Variants in KCNIP4 observed in about 807,000 individuals in gnomAD.
KCNIP4 encodes the protein potassium voltage-gated channel interacting protein 4.
KCNIP4 carries 12 observed loss-of-function variants against 34.0 expected under a neutral mutation model. That is an observed-to-expected ratio of 0.35 (90% CI 0.23 to 0.57). KCNIP4 has a LOEUF of 0.57. Ranked by LOEUF, KCNIP4 falls within the 20% of genes least tolerant of loss-of-function variation. The pLI is 0.83. For synonymous variants in KCNIP4, 124 were observed against 102.2 expected, an observed-to-expected ratio of 1.21 and a Z score of -1.29; for missense variants, 238 against 311.7, an observed-to-expected ratio of 0.76 and a Z score of 1.78.
At chr4:20,864,159 C>T (rs1385995796) in intron 2 of KCNIP4, among the ~76,000 whole-genome samples, 26 of 148,020 alleles carry the variant, frequency 1.8e-4, no homozygotes, top group Non-Finnish European at 3.8e-4. Flanking sequence ...TGTATGCATA[C>T]ACATGTATGT....
At chr4:21,787,032 A>AT (rs1266922189) in intron 1 of KCNIP4, among the ~76,000 whole-genome samples, 7 of 152,162 alleles carry the variant, frequency 4.6e-5, no homozygotes, top group Non-Finnish European at 1.0e-4. Flanking sequence ...AGCATCCCTA[A>AT]TCTGAAAATC....
intron 1 of KCNIP4, among the ~76,000 whole-genome samples, chr4:20,965,926 T>C (rs995564130): frequency 1.3e-5 from 2 of 152,174 alleles, no homozygotes; most frequent in Non-Finnish European, 1.5e-5. Flanking sequence ...CTTAATGAGG[T>C]ACATTTTCAA....
chr4:20,931,328 A>T (rs1024358210), intron 1 of KCNIP4, among the ~76,000 whole-genome samples: 4 of 152,278 alleles, frequency 2.6e-5, no homozygotes, highest in Non-Finnish European at 4.4e-5. Context: ...GCCAGATAGT[A>T]AGAAAAATAG....
chr4:21,607,304 A>T (rs7664902), intron 1 of KCNIP4, among the ~76,000 whole-genome samples: 104,476 of 152,058 alleles, frequency 0.69, 36,350 homozygotes, highest in East Asian at 0.89. Context: ...ATGTGTTAAT[A>T]TATGAAATGT....
chr4:21,422,242 C>T (rs1302639948), intron 1 of KCNIP4, among the ~76,000 whole-genome samples: 1 of 150,146 alleles, frequency 6.7e-6, no homozygotes. Context: ...GTCGCCCAGG[C>T]TGGAGTGCAG....
At chr4:21,218,621 A>T (rs1019707706) in intron 1 of KCNIP4, among the ~76,000 whole-genome samples, 1 of 152,126 alleles carries the variant, frequency 6.6e-6, no homozygotes, top group Non-Finnish European at 1.5e-5. Flanking sequence ...GACCATGAGG[A>T]AATCTATGCA....
intron 1 of KCNIP4, among the ~76,000 whole-genome samples, chr4:21,032,260 T>A (rs1210998220): frequency 1.3e-5 from 2 of 152,116 alleles, no homozygotes; most frequent in African/African-American, 4.8e-5. Context: ...GACTGTTTTG[T>A]GTTGTGTTTG....
chr4:21,560,172 G>A (rs763260430), intron 1 of KCNIP4, among the ~76,000 whole-genome samples: 10 of 151,914 alleles, frequency 6.6e-5, no homozygotes, highest in African/African-American at 1.7e-4. Context: ...CTTTACAAGC[G>A]CCTAAATTGA....
At chr4:21,796,132 T>C (rs1025067019) in intron 1 of KCNIP4, among the ~76,000 whole-genome samples, 1 of 152,202 alleles carries the variant, frequency 6.6e-6, no homozygotes, top group Non-Finnish European at 1.5e-5. Context: ...TTAGCTCTTA[T>C]ATAACATCAC....
At chr4:21,503,847 T>C (rs1002661507) in intron 1 of KCNIP4, among the ~76,000 whole-genome samples, 3 of 152,316 alleles carry the variant, frequency 2.0e-5, no homozygotes, top group African/African-American at 4.8e-5. Flanking sequence ...AGTGTCTTAG[T>C]GTTGGTGTTT....
At position 20,758,844 on chromosome 4, in the gene KCNIP4, T is replaced by C; in HGVS notation, c.335A>G (p.Tyr112Cys). Residue 112 changes from tyrosine (Y) to cysteine (C), a missense_variant, in exon 4 of 9, where the codon TAC becomes TGC. Transcript: ENST00000382152. ...ACCTCCCTGTGGAAAGAACTGCGAG[T>C]AAATCTCTTTGAAGGTTTCTTCATT... ...VVNEETFKEI[Y>C]SQFFPQGDST... The C allele has an allele frequency of 1.2e-6, 2 of 1,613,264 alleles. No homozygotes were observed. Among genetic ancestry groups the C allele is most frequent in the African/African-American group, 1.3e-5 (1 of 75,026 alleles).
chr4:21,179,299 G>T (rs114445674), intron 1 of KCNIP4, among the ~76,000 whole-genome samples: 2 of 152,058 alleles, frequency 1.3e-5, no homozygotes, highest in South Asian at 2.1e-4. Flanking sequence ...GCTCACTCTG[G>T]TTCATTTCCC....
intron 1 of KCNIP4, among the ~76,000 whole-genome samples, chr4:21,626,110 A>T (rs1005861819): frequency 6.6e-6 from 1 of 152,190 alleles, no homozygotes; most frequent in African/African-American, 2.4e-5. Context: ...CTGATATTCA[A>T]TGAAACGGAG....
chr4:20,781,866 G>T (rs12507581), intron 3 of KCNIP4, among the ~76,000 whole-genome samples: 1 of 152,010 alleles, frequency 6.6e-6, no homozygotes, highest in Non-Finnish European at 1.5e-5. Context: ...GAATTAATCC[G>T]AAAGTCCACA....
At chr4:21,216,861 G>T (rs1757623202) in intron 1 of KCNIP4, among the ~76,000 whole-genome samples, 1 of 152,026 alleles carries the variant, frequency 6.6e-6, no homozygotes, top group Admixed American at 6.6e-5. Flanking sequence ...CAAGAAAGTG[G>T]GAAAGATTTC....
intron 3 of KCNIP4, among the ~76,000 whole-genome samples, chr4:20,811,645 C>T (rs78016335): frequency 0.01 from 1,570 of 152,218 alleles, 31 homozygotes; most frequent in African/African-American, 0.036. Flanking sequence ...AAAGAACAAA[C>T]GTGATCATAT....
intron 1 of KCNIP4, among the ~76,000 whole-genome samples, chr4:21,631,306 CT>C (rs1414465450): frequency 1.1e-4 from 17 of 152,152 alleles, no homozygotes; most frequent in African/African-American, 4.1e-4. Flanking sequence ...ATAAGCCATG[CT>C]TTTATTTTAA....
At chr4:20,897,577 A>G (rs572578029) in intron 1 of KCNIP4, among the ~76,000 whole-genome samples, 1 of 151,954 alleles carries the variant, frequency 6.6e-6, no homozygotes, top group South Asian at 2.1e-4. Flanking sequence ...ATTTGGAGAT[A>G]ATGTTTTTAA....
intron 1 of KCNIP4, among the ~76,000 whole-genome samples, chr4:21,721,645 T>C (rs1241159614): frequency 6.6e-6 from 1 of 152,190 alleles, no homozygotes; most frequent in Non-Finnish European, 1.5e-5. Context: ...AAAAATCACA[T>C]AAAAATTCTC....
Sources: gnomAD v4.1 joint callset for allele counts (sites outside exome capture counted in the v4.1 genomes callset) on GRCh38, gnomAD v4.1.1 for gene constraint, MANE v1.5 for transcripts, NCBI Gene and HGNC (gene_info 2026-07-23, HGNC 2026-07-21) for gene names.